ADCY2: variants seen among roughly 807,000 people sequenced by gnomAD.
The protein encoded by ADCY2 is adenylate cyclase 2, also known as adenylate cyclase type 2.
Under a neutral mutation model 125.2 loss-of-function variants are expected in ADCY2, and 31 were observed. The ratio of observed to expected loss-of-function variants is 0.25; its 90% CI spans 0.19 to 0.33. The LOEUF (loss-of-function observed/expected upper bound fraction) is 0.33, where lower values mean the gene tolerates loss of function less well. ADCY2 is among the 10% of genes least tolerant of loss of function. The probability of loss-of-function intolerance (pLI) is 1.00; values close to 1 mark genes in which losing one functional copy is unlikely to be tolerated. For synonymous variants in ADCY2, 512 were observed against 548.4 expected (o/e 0.93, Z 0.93); for missense variants, 904 against 1,418.2 (o/e 0.64, Z 5.82).
intron 2 of ADCY2, among the ~76,000 whole-genome samples, chr5:7,424,517 G>A (rs1740318952): frequency 6.6e-6 from 1 of 152,242 alleles, no homozygotes; most frequent in Admixed American, 6.5e-5. Context: ...CCTGGCACAT[G>A]ACAGATTATT....
At chr5:7,482,791 T>TATATATATATATATATATATATAC (rs1443104319) in intron 2 of ADCY2, among the ~76,000 whole-genome samples, 8 of 139,838 alleles carry the variant, frequency 5.7e-5, no homozygotes, top group African/African-American at 2.2e-4. Context: ...TATATATATA[T>TATATATATATATATATATATATAC]ACACACACAC....
chr5:7,443,639 C>CAAAAAAA (rs56089574), intron 2 of ADCY2, among the ~76,000 whole-genome samples: 5 of 51,220 alleles, frequency 9.8e-5, no homozygotes, highest in African/African-American at 4.5e-4. Flanking sequence ...GACTCTGTCT[C>CAAAAAAA]AAAAAAAAAA....
intron 1 of ADCY2, among the ~76,000 whole-genome samples, chr5:7,400,627 A>G (rs73042698): frequency 0.044 from 6,669 of 152,308 alleles, 462 homozygotes; most frequent in African/African-American, 0.14. Context: ...AATGTGCCCA[A>G]CATCCCCTCT....
intron 3 of ADCY2, among the ~76,000 whole-genome samples, chr5:7,603,161 T>C (rs1737271192): frequency 2.0e-5 from 3 of 152,232 alleles, no homozygotes; most frequent in Non-Finnish European, 4.4e-5. Context: ...CAGAGGCCGT[T>C]CCTTCCTGAG....
At chr5:7,596,263 C>A (rs895472219) in intron 3 of ADCY2, among the ~76,000 whole-genome samples, 1 of 107,296 alleles carries the variant, frequency 9.3e-6, no homozygotes, top group African/African-American at 3.5e-5. Flanking sequence ...CCCAAATGCC[C>A]GATCCAAAAA....
chr5:7,714,296 CT>C (rs1374993320), intron 11 of ADCY2, among the ~76,000 whole-genome samples: 1 of 152,208 alleles, frequency 6.6e-6, no homozygotes, highest in East Asian at 1.9e-4. Context: ...ATAGTCTCTT[CT>C]GTTATCTGTC....
intron 7 of ADCY2, among the ~76,000 whole-genome samples, chr5:7,704,661 C>T (rs979143618): frequency 1.3e-5 from 2 of 152,152 alleles, no homozygotes; most frequent in South Asian, 4.1e-4. Context: ...GGGTGGATCA[C>T]GAGGTCAGGA....
intron 2 of ADCY2, among the ~76,000 whole-genome samples, chr5:7,444,785 G>T (rs1183102993): frequency 6.6e-6 from 1 of 152,138 alleles, no homozygotes; most frequent in East Asian, 1.9e-4. Context: ...TTGCCAATCA[G>T]GTGAGTGCAT....
chr5:7,601,279 T>C (rs1737190846), intron 3 of ADCY2, among the ~76,000 whole-genome samples: 1 of 152,086 alleles, frequency 6.6e-6, no homozygotes. Flanking sequence ...ATTAAGTTAT[T>C]AATAGCTCAA....
intron 17 of ADCY2, among the ~76,000 whole-genome samples, chr5:7,769,337 A>G (rs1262569122): frequency 1.3e-5 from 2 of 152,256 alleles, no homozygotes; most frequent in Non-Finnish European, 2.9e-5. Context: ...TAACCACCAT[A>G]TAAGACATTG....
intron 2 of ADCY2, among the ~76,000 whole-genome samples, chr5:7,478,909 A>C (rs1440795306): frequency 6.6e-6 from 1 of 152,172 alleles, no homozygotes. Flanking sequence ...GTTTAATTTG[A>C]TAGTTCAGCG....
intron 2 of ADCY2, among the ~76,000 whole-genome samples, chr5:7,420,115 C>T (rs937435719): frequency 2.0e-5 from 3 of 152,086 alleles, no homozygotes; most frequent in African/African-American, 2.4e-5. Flanking sequence ...ACAGCTTGGT[C>T]GGGTATGGGG....
At position 7,459,879 on chromosome 5, in the gene ADCY2, C is replaced by T. The variant is rs544061492; in HGVS notation, c.408+45109C>T. Reference sequence around the variant, plus strand: ...GCGGCTCACTGCAAGCTCTGCCTCCCGGGTTCACGCTATTCTTCTGCCTCA... The same window carrying T: ...GCGGCTCACTGCAAGCTCTGCCTCCTGGGTTCACGCTATTCTTCTGCCTCA... On this transcript the variant is annotated intron_variant, in intron 2 of 24. Transcript: ENST00000338316. Among the ~76,000 whole-genome samples, 54 of 146,456 alleles carry T rather than the reference C, an allele frequency of 3.7e-4. 3 individuals carry two copies. In the South Asian group the frequency reaches 0.011, roughly 30 times the overall value.
At chr5:7,618,079 A>G (rs1376945628) in intron 3 of ADCY2, among the ~76,000 whole-genome samples, 1 of 152,284 alleles carries the variant, frequency 6.6e-6, no homozygotes, top group African/African-American at 2.4e-5. Context: ...TTTGGAGTCC[A>G]TGACTGTTTC....
intron 11 of ADCY2, among the ~76,000 whole-genome samples, chr5:7,715,881 G>C (rs965939856): frequency 6.6e-6 from 1 of 152,108 alleles, no homozygotes; most frequent in African/African-American, 2.4e-5. Flanking sequence ...CTGAACTCAG[G>C]AAAGTGTGAT....
chr5:7,675,028 AC>A (rs1192612330), intron 4 of ADCY2, among the ~76,000 whole-genome samples: 2 of 151,802 alleles, frequency 1.3e-5, no homozygotes, highest in East Asian at 3.9e-4. Flanking sequence ...GGTGGCGGGC[AC>A]CTGTAGTCTC....
At chr5:7,660,356 C>T (rs1022747031) in intron 4 of ADCY2, among the ~76,000 whole-genome samples, 2 of 151,988 alleles carry the variant, frequency 1.3e-5, no homozygotes, top group South Asian at 4.2e-4. Context: ...AGATCCTTCT[C>T]TGAAGAATGA....
chr5:7,615,152 G>C (rs1737709330), intron 3 of ADCY2, among the ~76,000 whole-genome samples: 3 of 152,086 alleles, frequency 2.0e-5, no homozygotes, highest in African/African-American at 7.2e-5. Context: ...AACAGCAAGG[G>C]GGAAATCTGC....
At chr5:7,511,162 C>T (rs1744042138) in intron 2 of ADCY2, among the ~76,000 whole-genome samples, 1 of 152,116 alleles carries the variant, frequency 6.6e-6, no homozygotes, top group Non-Finnish European at 1.5e-5. Flanking sequence ...CCCATCCCAA[C>T]AGTGTCCTTG....
Sources: allele counts gnomAD v4.1 joint callset (sites outside exome capture counted in the v4.1 genomes callset), GRCh38; gene constraint gnomAD v4.1.1; transcripts MANE v1.5; gene names NCBI Gene and HGNC (gene_info 2026-07-23, HGNC 2026-07-21).